The following NYAP2 variants were observed in gnomAD, a reference collection of about 807,000 sequenced individuals.
NYAP2 encodes neuronal tyrosine-phosphorylated phosphoinositide-3-kinase adaptor 2, also known as neuronal tyrosine-phosphorylated phosphoinositide-3-kinase adapter 2.
A neutral mutation model predicts 50.4 loss-of-function variants in NYAP2; 23 were observed. That is an observed-to-expected ratio of 0.46 (90% CI 0.33 to 0.65). NYAP2 has a LOEUF of 0.65. Among genes scored for constraint, NYAP2 ranks in the 30% least tolerant of loss-of-function variants. NYAP2 has a pLI of 0.02. For missense variants in NYAP2, 885 were observed against 861.0 expected, an observed-to-expected ratio of 1.03 and a Z score of -0.35; for synonymous variants, 394 against 365.2, an observed-to-expected ratio of 1.08 and a Z score of -0.90.
intron 4 of NYAP2, among the ~76,000 whole-genome samples, chr2:225,565,291 A>G (rs61668914): frequency 6.6e-6 from 1 of 152,344 alleles, no homozygotes; most frequent in African/African-American, 2.4e-5. Context: ...AACTAAGATT[A>G]TCAATACTAA....
the NYAP2 span, among the ~76,000 whole-genome samples, chr2:225,666,062 G>A: frequency 6.6e-5 from 10 of 152,030 alleles, no homozygotes; most frequent in African/African-American, 2.4e-4. Flanking sequence ...CAGCTCTGAA[G>A]ACCATCATCT....
chr2:225,411,445 G>A (rs60448868), intron 3 of NYAP2, among the ~76,000 whole-genome samples: 1,720 of 152,178 alleles, frequency 0.011, 37 homozygotes, highest in African/African-American at 0.04. Context: ...TTGGTATGAC[G>A]ATTTTATGAA....
chr2:225,539,933 C>T (rs973013005), intron 4 of NYAP2, among the ~76,000 whole-genome samples: 1 of 152,056 alleles, frequency 6.6e-6, no homozygotes. Context: ...TGCCAGATAC[C>T]CTTAATCATC....
intron 3 of NYAP2, among the ~76,000 whole-genome samples, chr2:225,452,329 A>C (rs1689667287): frequency 6.6e-6 from 1 of 152,216 alleles, no homozygotes; most frequent in Non-Finnish European, 1.5e-5. Flanking sequence ...CACTCTTAAG[A>C]GTGCTCAACA....
At chr2:225,537,681 G>C (rs752086171) in intron 4 of NYAP2, among the ~76,000 whole-genome samples, 17 of 152,008 alleles carry the variant, frequency 1.1e-4, no homozygotes, top group Admixed American at 8.5e-4. Context: ...ATTCCACCCC[G>C]ACCCCTCCCA....
At chr2:225,480,763 ATGATC>A (rs1690192460) in intron 3 of NYAP2, among the ~76,000 whole-genome samples, 1 of 152,162 alleles carries the variant, frequency 6.6e-6, no homozygotes, top group African/African-American at 2.4e-5. Context: ...CTTGTATACT[ATGATC>A]TGAACAATGA....
chr2:225,484,974 A>G (rs1221816658), intron 3 of NYAP2, among the ~76,000 whole-genome samples: 1 of 152,188 alleles, frequency 6.6e-6, no homozygotes, highest in East Asian at 1.9e-4. Flanking sequence ...CCCTGTGGGT[A>G]ATTTTGAGGC....
chr2:225,398,665 TA>T (rs770929662), upstream of NYAP2, among the ~76,000 whole-genome samples: 114 of 151,726 alleles, frequency 7.5e-4, 1 homozygote, highest in Middle Eastern at 0.017. Context: ...AGCATTGGGA[TA>T]GGGGGAAGAG....
chr2:225,695,048 C>A, the NYAP2 span, among the ~76,000 whole-genome samples: 1 of 151,276 alleles, frequency 6.6e-6, no homozygotes, highest in Admixed American at 6.6e-5. Context: ...AATAAAATTC[C>A]AAGCTTTATA....
intron 5 of NYAP2, among the ~76,000 whole-genome samples, chr2:225,605,937 CT>C (rs1692777647): frequency 6.6e-6 from 1 of 152,032 alleles, no homozygotes; most frequent in South Asian, 2.1e-4. Context: ...TTAAGTGTTG[CT>C]AAAAACTTTC....
chr2:225,472,382 G>C (rs1229771670), intron 3 of NYAP2, among the ~76,000 whole-genome samples: 3 of 152,184 alleles, frequency 2.0e-5, no homozygotes, highest in Non-Finnish European at 2.9e-5. Context: ...AGGACAAGAG[G>C]AATCTGCTCC....
chr2:225,700,897 C>T, the NYAP2 span: 3 of 151,826 alleles, frequency 2.0e-5, no homozygotes, highest in Non-Finnish European at 2.9e-5. Flanking sequence ...TTGGATTAAA[C>T]CATTCCTGTT....
At chr2:225,417,073 T>G (rs1695137168) in intron 3 of NYAP2, among the ~76,000 whole-genome samples, 1 of 152,200 alleles carries the variant, frequency 6.6e-6, no homozygotes, top group South Asian at 2.1e-4. Context: ...CTTCAAGCTA[T>G]TGGAGGATAT....
At chr2:225,687,873 C>A in the NYAP2 span, among the ~76,000 whole-genome samples, 1 of 152,160 alleles carries the variant, frequency 6.6e-6, no homozygotes, top group South Asian at 2.1e-4. Context: ...GTTAGTATAA[C>A]CTCTTATCAT....
At chr2:225,446,216 GTCTCTCTC>G (rs1271105292) in intron 3 of NYAP2, among the ~76,000 whole-genome samples, 1 of 69,662 alleles carries the variant, frequency 1.4e-5, no homozygotes, top group Non-Finnish European at 3.3e-5. Context: ...CTGTCTGTCT[GTCTCTCTC>G]TCTCTCTCTC....
chr2:225,515,957 G>A (rs1382922746), intron 4 of NYAP2, among the ~76,000 whole-genome samples: 1 of 152,124 alleles, frequency 6.6e-6, no homozygotes, highest in Non-Finnish European at 1.5e-5. Flanking sequence ...AGCCCATAAG[G>A]GATGTGTTAT....
intron 5 of NYAP2, among the ~76,000 whole-genome samples, chr2:225,589,526 T>A (rs1056492860): frequency 9.0e-5 from 12 of 134,076 alleles, no homozygotes; most frequent in African/African-American, 3.3e-4. Context: ...AATATATATA[T>A]ATATATATAT....
chr2:225,638,330 A>G (rs1693462989), intron 6 of NYAP2, among the ~76,000 whole-genome samples: 1 of 152,058 alleles, frequency 6.6e-6, no homozygotes, highest in African/African-American at 2.4e-5. Flanking sequence ...ACCATTCAGA[A>G]AAGTTGATAT....
At chr2:225,458,710 A>G (rs771079549) in intron 3 of NYAP2, among the ~76,000 whole-genome samples, 9 of 152,210 alleles carry the variant, frequency 5.9e-5, no homozygotes, top group Admixed American at 3.3e-4. Flanking sequence ...AAGTGCTTCC[A>G]CTAAACGTGT....
Sources: gnomAD v4.1 joint callset for allele counts (sites outside exome capture counted in the v4.1 genomes callset) on GRCh38, gnomAD v4.1.1 for gene constraint, MANE v1.5 for transcripts, NCBI Gene and HGNC (gene_info 2026-07-23, HGNC 2026-07-21) for gene names.